FNDC3B: variants seen among roughly 807,000 people sequenced by gnomAD.
FNDC3B encodes the protein fibronectin type III domain containing 3B, also known as fibronectin type III domain-containing protein 3B.
A neutral mutation model predicts 151.5 loss-of-function variants in FNDC3B; 12 were observed. That is an observed-to-expected ratio of 0.08 (90% CI 0.05 to 0.13). The LOEUF is 0.13. FNDC3B is among the 10% of genes least tolerant of loss of function. FNDC3B has a pLI of 1.00. For missense variants in FNDC3B, 1,214 were observed against 1,505.3 expected (o/e 0.81, Z 3.20); for synonymous variants, 528 against 549.0 (o/e 0.96, Z 0.54).
At chr3:172,189,612 G>A (rs991743993) in intron 3 of FNDC3B, among the ~76,000 whole-genome samples, 1 of 151,950 alleles carries the variant, frequency 6.6e-6, no homozygotes, top group Non-Finnish European at 1.5e-5. Flanking sequence ...CCAGGAGTTT[G>A]ACACCAGCCT....
intron 1 of FNDC3B, among the ~76,000 whole-genome samples, chr3:172,042,993 C>A (rs1013923977): frequency 6.6e-6 from 1 of 152,198 alleles, no homozygotes. Flanking sequence ...CGGCTAACTG[C>A]AACCTCCGCC....
intron 6 of FNDC3B, among the ~76,000 whole-genome samples, chr3:172,269,289 C>G (rs551619860): frequency 1.3e-5 from 2 of 151,964 alleles, no homozygotes; most frequent in Admixed American, 6.5e-5. Context: ...TTCCTAGGCT[C>G]TCTCTGTCAT....
intron 11 of FNDC3B, among the ~76,000 whole-genome samples, chr3:172,326,883 G>A (rs971995087): frequency 6.6e-6 from 1 of 152,094 alleles, no homozygotes; most frequent in East Asian, 1.9e-4. Flanking sequence ...TAGGAAAAAT[G>A]AGGCATTAAA....
At chr3:172,210,892 A>G (rs1177843498) in intron 3 of FNDC3B, among the ~76,000 whole-genome samples, 1 of 152,224 alleles carries the variant, frequency 6.6e-6, no homozygotes, top group African/African-American at 2.4e-5. Flanking sequence ...TTACCCATAC[A>G]TAGAATCATT....
intron 6 of FNDC3B, among the ~76,000 whole-genome samples, chr3:172,255,667 G>T (rs1169211092): frequency 6.6e-6 from 1 of 152,226 alleles, no homozygotes; most frequent in African/African-American, 2.4e-5. Flanking sequence ...CTCCCAAAGT[G>T]TTGGGATTAC....
At chr3:172,086,429 G>T (rs1718550936) in intron 1 of FNDC3B, among the ~76,000 whole-genome samples, 1 of 151,784 alleles carries the variant, frequency 6.6e-6, no homozygotes, top group Non-Finnish European at 1.5e-5. Context: ...AGGGTACATT[G>T]GAAAATTGGC....
chr3:172,052,716 GTGTTTCAGGTGAATTATA>G (rs1716726595), intron 1 of FNDC3B, among the ~76,000 whole-genome samples: 1 of 152,142 alleles, frequency 6.6e-6, no homozygotes, highest in African/African-American at 2.4e-5. Context: ...TCCTTATCAA[GTGTTTCAGGTGAATTATA>G]TGATCAGACA....
At chr3:172,236,767 CATAAG>C (rs1490963761) in intron 4 of FNDC3B, among the ~76,000 whole-genome samples, 6 of 152,166 alleles carry the variant, frequency 3.9e-5, no homozygotes, top group Non-Finnish European at 8.8e-5. Flanking sequence ...GTCTCCAGTT[CATAAG>C]ATGTGTCTCT....
At chr3:172,087,380 T>C (rs973696866) in intron 1 of FNDC3B, among the ~76,000 whole-genome samples, 3 of 152,222 alleles carry the variant, frequency 2.0e-5, no homozygotes, top group African/African-American at 7.2e-5. Context: ...TAGAGGCTGA[T>C]GTAATAGGGA....
Position 172,330,592 on chromosome 3 carries a change from G to A in FNDC3B, c.1431G>A (p.Met477Ile), listed in dbSNP as rs767164547. Reference protein sequence around the residue: ...VCYTLGNIPQMPSAPRLVRAG... With the variant: ...VCYTLGNIPQIPSAPRLVRAG... ...ACACATTAGGAAATATCCCTCAGAT[G>A]CCTTCTGCACCAAGGCTGGTTCGAG... is the stretch of plus-strand genomic sequence containing the variant. The change falls in exon 13 of 26, where the codon ATG becomes ATA. Residue 477 changes from methionine (M) to isoleucine (I), a missense_variant. Coordinates refer to ENST00000415807, the MANE Select transcript of FNDC3B (RefSeq NM_022763.4). 1.2e-6 allele frequency: 2 copies of A among 1,614,128 alleles called. No individual in the cohort carries two copies. The highest frequency in any genetic ancestry group is 2.2e-5 in the East Asian group (1 of 44,890).
At position 172,048,663 on chromosome 3, in the gene FNDC3B, T is replaced by C. The variant is rs529177661; in HGVS notation, c.-29+8892T>C. ...TAAAAGCCAGTGTTTATAGCAGCATTATTGACAATACCTAAAAGGTAGAAA... is the reference window on the plus strand; with the variant it reads ...TAAAAGCCAGTGTTTATAGCAGCATCATTGACAATACCTAAAAGGTAGAAA... On this transcript the variant is annotated intron_variant, in intron 1 of 25. Transcript: ENST00000415807. Among the ~76,000 whole-genome samples, 4 of 152,286 alleles carry C rather than the reference T, an allele frequency of 2.6e-5. No homozygotes were observed. The South Asian group carries it at 8.3e-4, about 32-fold the overall frequency.
chr3:172,119,590 A>C (rs111778464), intron 2 of FNDC3B, among the ~76,000 whole-genome samples: 1 of 152,330 alleles, frequency 6.6e-6, no homozygotes, highest in South Asian at 2.1e-4. Flanking sequence ...GGCTAGAACT[A>C]TCCAGACTTT....
At chr3:172,175,569 A>G (rs1723540848) in intron 3 of FNDC3B, among the ~76,000 whole-genome samples, 2 of 152,244 alleles carry the variant, frequency 1.3e-5, no homozygotes, top group South Asian at 4.1e-4. Context: ...TTCATTTAGC[A>G]AATATTTAAT....
intron 11 of FNDC3B, among the ~76,000 whole-genome samples, chr3:172,326,039 T>A (rs1056061991): frequency 6.6e-6 from 1 of 152,214 alleles, no homozygotes; most frequent in Non-Finnish European, 1.5e-5. Flanking sequence ...TTGGCCAGGC[T>A]GGTTTCGAAC....
chr3:172,082,344 T>C, intron 1 of FNDC3B, among the ~76,000 whole-genome samples: 1 of 152,248 alleles, frequency 6.6e-6, no homozygotes, highest in Non-Finnish European at 1.5e-5. Context: ...TCCTTGTTAT[T>C]TGCAAGGCTG....
rs566196850 is a variant in FNDC3B at position 172,327,503 on chromosome 3, C to T, written c.1255-1449C>T. 5.3e-5 allele frequency among the ~76,000 whole-genome samples: 8 copies of T among 152,312 alleles called. No homozygotes were observed. In the East Asian group the frequency reaches 1.5e-3, roughly 29 times the overall value. On this transcript the variant is annotated intron_variant, in intron 11 of 25. Coordinates refer to ENST00000415807, the MANE Select transcript of FNDC3B (RefSeq NM_022763.4). ...GCGAGCTCCGTCTCCCAGGTTCACG[C>T]CATTCTCCCTCCTCAGCCCCCTGAG...
At chr3:172,131,146 C>G (rs1472614122) in intron 2 of FNDC3B, among the ~76,000 whole-genome samples, 3 of 152,110 alleles carry the variant, frequency 2.0e-5, no homozygotes, top group Non-Finnish European at 4.4e-5. Context: ...CCTGTAATCC[C>G]AGCACTTTGG....
intron 3 of FNDC3B, among the ~76,000 whole-genome samples, chr3:172,161,920 G>A (rs147034337): frequency 6.1e-4 from 92 of 151,736 alleles, no homozygotes; most frequent in African/African-American, 1.6e-3. Context: ...ATTCTGTCTG[G>A]ACATTTCAGT....
chr3:172,105,290 AT>A (rs1719588005), intron 1 of FNDC3B, among the ~76,000 whole-genome samples: 1 of 151,990 alleles, frequency 6.6e-6, no homozygotes, highest in South Asian at 2.1e-4. Context: ...CTAGATGTTT[AT>A]TTTTTTAACT....
Sources: allele counts gnomAD v4.1 joint callset (sites outside exome capture counted in the v4.1 genomes callset), GRCh38; gene constraint gnomAD v4.1.1; transcripts MANE v1.5; gene names NCBI Gene and HGNC (gene_info 2026-07-23, HGNC 2026-07-21).